Variants in SH3TC1 observed in about 807,000 individuals in gnomAD.
SH3TC1 encodes SH3 domain and tetratricopeptide repeats 1.
A neutral mutation model predicts 117.3 loss-of-function variants in SH3TC1; 135 were observed. The ratio of observed to expected loss-of-function variants is 1.15; its 90% CI spans 1.00 to 1.33. SH3TC1 has a LOEUF of 1.33. Among genes scored for constraint, SH3TC1 ranks in the 40% most tolerant of loss-of-function variants. The pLI is 0.00. For missense variants in SH3TC1, 2,092 were observed against 1,794.3 expected, an observed-to-expected ratio of 1.17 and a Z score of -3.00; for synonymous variants, 898 against 816.9, an observed-to-expected ratio of 1.10 and a Z score of -1.69.
At chr4:8,219,238 AT>A (rs1561696825) in intron 8 of SH3TC1, 96 bp from the exon 9 acceptor site, 29 of 1,251,530 alleles carry the variant, frequency 2.3e-5, no homozygotes, top group Middle Eastern at 4.1e-4. Flanking sequence ...CAAAAGATGA[AT>A]TCCCCATGGT....
At position 8,225,217 on chromosome 4, in the gene SH3TC1, G is replaced by A. The variant is rs775317940; in HGVS notation, c.1285+1G>A. On this transcript the variant is annotated splice_donor_variant, in intron 11 of 17. Transcript: ENST00000245105. LOFTEE classifies it high-confidence loss of function. The surrounding 1 kb of genome is among the most constrained non-coding windows in gnomAD (Gnocchi z 5.5). ...GAGACCGAGCAGCCGCAGGAAAAAG[G>A]TGGGTTTTGCCAGTGGCTCAGGCTT... The A allele has an allele frequency of 6.2e-7, 1 of 1,613,578 alleles. No individual in the cohort carries two copies. Among genetic ancestry groups the A allele is most frequent in the South Asian group, 1.1e-5 (1 of 90,936 alleles).
At chr4:8,233,768 A>ATCCG (rs1303417219) in intron 14 of SH3TC1, among the ~76,000 whole-genome samples, 1 of 144,316 alleles carries the variant, frequency 6.9e-6, no homozygotes, top group Non-Finnish European at 1.5e-5. Flanking sequence ...TCATCCATCC[A>ATCCG]TCCTTCCATT....
intron 1 of SH3TC1, among the ~76,000 whole-genome samples, chr4:8,185,331 C>T (rs1211820706): frequency 2.6e-5 from 4 of 151,716 alleles, no homozygotes; most frequent in African/African-American, 7.3e-5. Context: ...AGCGAAACTC[C>T]GTCTCAAAAA....
At chr4:8,197,637 G>T (rs1367068361), upstream of SH3TC1, among the ~76,000 whole-genome samples, 1 of 152,238 alleles carries the variant, frequency 6.6e-6, no homozygotes, top group Non-Finnish European at 1.5e-5. Flanking sequence ...GGTGGGGCCT[G>T]GCCAGGCCGG....
In SH3TC1 at chr4:8,209,672, T is replaced by C. The variant is rs1718480810; in HGVS notation, c.173-76T>C. 1 of 1,594,710 alleles carries C rather than the reference T, an allele frequency of 6.3e-7. No individual in the cohort carries two copies. The highest frequency in any genetic ancestry group is 1.3e-5 in the African/African-American group (1 of 74,722). ...TCACCTCTTTTCTTGCAGAGAGACC[T>C]GGAGCGTTTGGCGCCTTCAGAGGAG... On this transcript the variant is annotated intron_variant, in intron 2 of 17. Coordinates refer to ENST00000245105, the MANE Select transcript of SH3TC1 (RefSeq NM_018986.5). The surrounding 1 kb of genome is among the most constrained non-coding windows in gnomAD (Gnocchi z 5.9).
chr4:8,237,577 G>A lies in SH3TC1; in HGVS notation c.3660G>A (p.Ser1220=), dbSNP rs768376205. 1.2e-5 allele frequency: 19 copies of A among 1,612,126 alleles called. No homozygotes were observed. The highest frequency in any genetic ancestry group is 1.1e-4 in the South Asian group (10 of 90,858). ...LAEHFYLKAL[S]LCNSPLEFDE... Reference sequence around the variant, plus strand: ...AGCACTTCTACCTCAAGGCCCTGTCGCTCTGCAACTCGCCGCTGGAGTTTG... The same window carrying A: ...AGCACTTCTACCTCAAGGCCCTGTCACTCTGCAACTCGCCGCTGGAGTTTG... Residue 1220 remains serine (S), a synonymous_variant, in exon 17 of 18, where the codon TCG becomes TCA. Coordinates refer to ENST00000245105, the MANE Select transcript of SH3TC1 (RefSeq NM_018986.5).
chr4:8,241,086 G>GTTT lies in SH3TC1; in HGVS notation c.*139_*141dup. 1.8e-6 allele frequency: 2 copies of GTTT among 1,105,338 alleles called. No homozygotes were observed. Among genetic ancestry groups the GTTT allele is most frequent in the Non-Finnish European group, 2.4e-6 (2 of 827,020 alleles). 68.5% of individuals were successfully genotyped at this position (1,105,338 alleles called of 1,614,324 possible). A position where few individuals can be genotyped will look rare whatever the true frequency, so the allele number is the denominator to read the frequency against. On this transcript the variant is annotated 3_prime_UTR_variant, in exon 18 of 18. Transcript: ENST00000245105. The stretch of plus-strand genomic sequence containing the variant: ...GGCCAAATAGCAATAAATGGGTTTT[G>GTTT]TTTTTTTTTTGCAATAACTTATTGA...
In SH3TC1 at chr4:8,237,631, G is replaced by A. The variant is rs1254844713; in HGVS notation, c.3714G>A (p.Val1238=). 6 of 1,610,560 alleles carry A rather than the reference G, an allele frequency of 3.7e-6. No individual in the cohort carries two copies. In the African/African-American group the frequency reaches 4.0e-5, roughly 11 times the overall value. Reference sequence around the variant, plus strand: ...AGGAGACCCTCTACTACGTGAAGGTGTACCTGGTGCTCGGTGACATCATCT... The same window carrying A: ...AGGAGACCCTCTACTACGTGAAGGTATACCTGGTGCTCGGTGACATCATCT... The part of the protein sequence containing the change: ...FDEETLYYVK[V]YLVLGDIIFY... Residue 1238 remains valine, a synonymous_variant, in exon 17 of 18, where the codon GTG becomes GTA. Transcript: ENST00000245105.
rs752436118 is a variant in SH3TC1, at chr4:8,227,527, C to T, written c.1833C>T (p.Tyr611=). 2.0e-6 allele frequency: 3 copies of T among 1,536,570 alleles called. No individual in the cohort carries two copies. Among genetic ancestry groups the T allele is most frequent in the Admixed American group, 2.2e-5 (1 of 46,206 alleles). ...VAVYANLASI[Y]RKQKNREKCA... is the part of the protein sequence containing the mutation. ...TGTACGCCAACCTGGCCAGCATTTA[C>T]CGGAAGCAGAAGAACCGGGAGAAGT... is the stretch of plus-strand genomic sequence containing the variant. Residue 611 remains tyrosine, a synonymous_variant, in exon 12 of 18, where the codon TAC becomes TAT. Coordinates refer to ENST00000245105, the MANE Select transcript of SH3TC1 (RefSeq NM_018986.5).
intron 2 of SH3TC1, among the ~76,000 whole-genome samples, chr4:8,207,047 T>C (rs1718268891): frequency 6.7e-6 from 1 of 149,938 alleles, no homozygotes; most frequent in South Asian, 2.1e-4. Context: ...ATTCAGATCT[T>C]GCCATTTATC....
In SH3TC1 at chr4:8,221,194, A is replaced by G. The variant is rs151230792; in HGVS notation, c.1113-1646A>G. 2.7e-3 allele frequency among the ~76,000 whole-genome samples: 412 copies of G among 152,304 alleles called. 3 individuals are homozygous for G. Among genetic ancestry groups the G allele is most frequent in the African/African-American group, 9.3e-3 (386 of 41,562 alleles). ...CTCCAAGGGAGACCACAAATTCTCA[A>G]CAGGTCACTGGGGGCCGTGTGAAGT... On this transcript the variant is annotated intron_variant, in intron 9 of 17. Transcript: ENST00000245105.
At chr4:8,223,516 G>A (rs1720144418) in intron 10 of SH3TC1, among the ~76,000 whole-genome samples, 1 of 152,252 alleles carries the variant, frequency 6.6e-6, no homozygotes, top group East Asian at 1.9e-4. Context: ...TTCTCTGGGG[G>A]CTGCAGTGCA....
Position 8,205,544 on chromosome 4 carries a change from T to A in SH3TC1, c.172+178T>A. On this transcript the variant is annotated intron_variant, in intron 2 of 17. Coordinates refer to ENST00000245105, the MANE Select transcript of SH3TC1 (RefSeq NM_018986.5). This position sits in a 1 kb window ranked among gnomAD's most constrained non-coding sequence, Gnocchi z 5.4. ...CCCGCGTGTGTTTAACAGGAGCCAC[T>A]GTGCCCGCTGAGTCACTTGAGAGGC... The A allele has an allele frequency of 1.1e-6, 1 of 914,128 alleles. No homozygotes were observed. Among genetic ancestry groups the A allele is most frequent in the South Asian group, 1.3e-5 (1 of 77,448 alleles). The allele number at this position is 914,128 out of a possible 1,614,324, so 56.6% of individuals were successfully genotyped here. A position where few individuals can be genotyped will look rare whatever the true frequency, so the allele number is the denominator to read the frequency against.
intron 1 of SH3TC1, among the ~76,000 whole-genome samples, chr4:8,193,327 T>C (rs1320910028): frequency 6.6e-6 from 1 of 152,206 alleles, no homozygotes; most frequent in Non-Finnish European, 1.5e-5. Context: ...GCATTGTAGA[T>C]TAACCCCTTG....
At chr4:8,217,262 G>C in intron 7 of SH3TC1, 95 bp downstream of exon 7, 1 of 1,494,804 alleles carries the variant, frequency 6.7e-7, no homozygotes, top group Non-Finnish European at 9.1e-7. Flanking sequence ...ACAGGGAATG[G>C]TGGGGGCCCC....
chr4:8,232,746 C>T (rs1721361599), intron 13 of SH3TC1: 1 of 1,289,804 alleles, frequency 7.8e-7, no homozygotes, highest in African/African-American at 1.5e-5. Flanking sequence ...CTTCGACTCA[C>T]CAAGAGAGCA....
intron 10 of SH3TC1, 75 bp downstream of exon 10, chr4:8,223,045 A>T: frequency 6.5e-7 from 1 of 1,535,516 alleles, no homozygotes; most frequent in Non-Finnish European, 8.8e-7. Context: ...GCCCTCGTCC[A>T]TCCACAGATA....
intron 14 of SH3TC1, 123 bp from the exon 15 acceptor site, chr4:8,235,310 G>A: frequency 8.0e-7 from 1 of 1,256,438 alleles, no homozygotes; most frequent in Middle Eastern, 2.9e-4. Flanking sequence ...CACAGGGTCT[G>A]AAAAAGGCTC....
Position 8,209,994 on chromosome 4 carries a change from T to C in SH3TC1, c.247+172T>C, listed in dbSNP as rs914175529. 3.3e-5 allele frequency among the ~76,000 whole-genome samples: 5 copies of C among 152,196 alleles called. No homozygotes were observed. Among genetic ancestry groups the C allele is most frequent in the African/African-American group, 7.2e-5 (3 of 41,460 alleles). On this transcript the variant is annotated intron_variant, in intron 3 of 17. Coordinates refer to ENST00000245105, the MANE Select transcript of SH3TC1 (RefSeq NM_018986.5). This position sits in a 1 kb window ranked among gnomAD's most constrained non-coding sequence, Gnocchi z 5.9. ...TTGTTAAATGCGCATGCCCAGGTCC[T>C]GCACCCAGAGGGGGACATGGCCCCT...
Sources: allele counts gnomAD v4.1 joint callset (sites outside exome capture counted in the v4.1 genomes callset), GRCh38; gene constraint gnomAD v4.1.1; non-coding constraint Gnocchi (gnomAD v3.1); transcripts MANE v1.5; gene names NCBI Gene and HGNC (gene_info 2026-07-23, HGNC 2026-07-21).